Variants in CUL3 observed in about 807,000 individuals in gnomAD.
CUL3 encodes the protein cullin 3.
A neutral mutation model predicts 89.1 loss-of-function variants in CUL3; 19 were observed. The ratio of observed to expected loss-of-function variants is 0.21; its 90% CI spans 0.15 to 0.31. The LOEUF is 0.31. Among genes scored for constraint, CUL3 ranks in the 10% least tolerant of loss-of-function variants. The pLI is 1.00. For synonymous variants in CUL3, 351 were observed against 308.4 expected (o/e 1.14, Z -1.45); for missense variants, 469 against 942.3 (o/e 0.50, Z 6.58).
intron 1 of CUL3, among the ~76,000 whole-genome samples, chr2:224,569,223 T>C (rs1346842368): frequency 2.0e-5 from 3 of 152,190 alleles, no homozygotes; most frequent in African/African-American, 7.2e-5. Flanking sequence ...TAGCAACTAA[T>C]GCGTCAGCAA....
chr2:224,532,004 A>G (rs979990110), intron 3 of CUL3, among the ~76,000 whole-genome samples: 4 of 152,210 alleles, frequency 2.6e-5, no homozygotes, highest in African/African-American at 4.8e-5. Context: ...GCAACAGATG[A>G]TGTAGGGAGA....
chr2:224,529,151 C>G (rs1693593134), intron 3 of CUL3, among the ~76,000 whole-genome samples: 1 of 151,922 alleles, frequency 6.6e-6, no homozygotes, highest in East Asian at 1.9e-4. Flanking sequence ...TTAATAAATA[C>G]TTATGGATTG....
rs1212816354 is a variant in CUL3 at position 224,477,963 on chromosome 2, CT to C, written c.2175+236del. Among the ~76,000 whole-genome samples the C allele has an allele frequency of 3.9e-5, 6 of 152,252 alleles. No individual in the cohort carries two copies. The East Asian group carries it at 1.2e-3, about 29-fold the overall frequency. On this transcript the variant is annotated intron_variant, in intron 15 of 15. Coordinates refer to ENST00000264414, the MANE Select transcript of CUL3 (RefSeq NM_003590.5). Reference sequence around the variant, plus strand: ...TAGCAGTGAAAATCTTTTCTTAATACTTCATGTGACAATATTCTACTATCAT... The same window carrying C: ...TAGCAGTGAAAATCTTTTCTTAATACTCATGTGACAATATTCTACTATCAT...
intron 15 of CUL3, among the ~76,000 whole-genome samples, chr2:224,474,664 A>C (rs1270225583): frequency 1.3e-5 from 2 of 152,210 alleles, no homozygotes; most frequent in Non-Finnish European, 2.9e-5. Flanking sequence ...AACCGTTTTG[A>C]TGCTGTTATC....
intron 2 of CUL3, 43 bp downstream of exon 2, chr2:224,557,616 A>G (rs2106303779): frequency 7.3e-7 from 1 of 1,370,196 alleles, no homozygotes; most frequent in Admixed American, 1.8e-5. Context: ...AGGATTTTCT[A>G]CATTCAATAT....
chr2:224,555,568 A>G lies in CUL3; in HGVS notation c.264+2091T>C, dbSNP rs960162587. ...TCCAAATTACTTAGTCTGGCACCCA[A>G]ATTTTTCTACAATCTGTTCCCAAAC... is the stretch of plus-strand genomic sequence containing the variant. On this transcript the variant is annotated intron_variant, in intron 2 of 15. Transcript: ENST00000264414. Among the ~76,000 whole-genome samples, 8 of 152,262 alleles carry G rather than the reference A, an allele frequency of 5.3e-5. No individual in the cohort carries two copies. In the East Asian group the frequency reaches 1.5e-3, roughly 29 times the overall value.
At chr2:224,505,883 T>G (rs1333080833) in intron 8 of CUL3, 73 bp downstream of exon 8, 1 of 999,562 alleles carries the variant, frequency 1.0e-6, no homozygotes, top group Non-Finnish European at 1.4e-6. Flanking sequence ...ATCTGTGAAA[T>G]GTCCTAATTT....
chr2:224,542,544 TGTGTGC>T (rs761746476), intron 2 of CUL3, among the ~76,000 whole-genome samples: 18 of 146,432 alleles, frequency 1.2e-4, no homozygotes, highest in Non-Finnish European at 1.9e-4. Flanking sequence ...CACTTCTGGC[TGTGTGC>T]GTGTGCGTGT....
chr2:224,553,022 T>G (rs1405639545), intron 2 of CUL3, among the ~76,000 whole-genome samples: 1 of 152,210 alleles, frequency 6.6e-6, no homozygotes, highest in South Asian at 2.1e-4. Context: ...GCACATTGTA[T>G]CAGTAACATC....
intron 1 of CUL3, among the ~76,000 whole-genome samples, chr2:224,573,088 A>G (rs1445591409): frequency 6.6e-6 from 1 of 152,208 alleles, no homozygotes; most frequent in African/African-American, 2.4e-5. Context: ...TATTTCTTTC[A>G]TGTTGCATTT....
At chr2:224,563,716 T>G (rs1408513733) in intron 1 of CUL3, among the ~76,000 whole-genome samples, 1 of 152,188 alleles carries the variant, frequency 6.6e-6, no homozygotes, top group Non-Finnish European at 1.5e-5. Flanking sequence ...AATTACATCT[T>G]TGTCCAGCAT....
intron 3 of CUL3, among the ~76,000 whole-genome samples, chr2:224,525,193 A>G (rs568288903): frequency 4.6e-5 from 7 of 152,238 alleles, no homozygotes; most frequent in East Asian, 1.9e-4. Flanking sequence ...AAACTCTACT[A>G]AACAGTCAAT....
intron 1 of CUL3, among the ~76,000 whole-genome samples, chr2:224,570,408 G>C (rs907724549): frequency 3.9e-5 from 6 of 152,186 alleles, no homozygotes; most frequent in African/African-American, 1.4e-4. Context: ...CCAGAGAAAC[G>C]TGAGACGGTG....
At chr2:224,505,858 T>A in intron 8 of CUL3, 98 bp downstream of exon 8, 2 of 779,832 alleles carry the variant, frequency 2.6e-6, no homozygotes, top group East Asian at 5.9e-5. Context: ...CAGCAATGGG[T>A]CATGCTTAAT....
intron 1 of CUL3, among the ~76,000 whole-genome samples, chr2:224,575,759 T>A (rs917719013): frequency 1.3e-5 from 2 of 152,140 alleles, no homozygotes; most frequent in African/African-American, 4.8e-5. Context: ...AAGTCCTACA[T>A]CTAACAAACA....
At chr2:224,581,054 A>G (rs561384085) in intron 1 of CUL3, among the ~76,000 whole-genome samples, 131 of 152,266 alleles carry the variant, frequency 8.6e-4, no homozygotes, top group African/African-American at 2.9e-3. Flanking sequence ...CATATTTTAC[A>G]TTTGCTATGG....
At chr2:224,480,675 G>A (rs1360651442) in intron 14 of CUL3, among the ~76,000 whole-genome samples, 1 of 152,142 alleles carries the variant, frequency 6.6e-6, no homozygotes, top group Non-Finnish European at 1.5e-5. Context: ...GGGTACAGTA[G>A]GGTGAGGGTA....
chr2:224,523,867 TA>T (rs1693362268), intron 3 of CUL3, among the ~76,000 whole-genome samples: 1 of 152,142 alleles, frequency 6.6e-6, no homozygotes, highest in Admixed American at 6.5e-5. Flanking sequence ...GATCAAATCA[TA>T]AACAGAGAAG....
chr2:224,511,629 T>A, intron 5 of CUL3, 47 bp from the exon 6 acceptor site: 1 of 1,130,982 alleles, frequency 8.8e-7, no homozygotes, highest in Non-Finnish European at 1.2e-6. Flanking sequence ...AAGAAAAGAG[T>A]GTTTTTGCTT....
Sources: allele counts gnomAD v4.1 joint callset (sites outside exome capture counted in the v4.1 genomes callset), GRCh38; gene constraint gnomAD v4.1.1; transcripts MANE v1.5; gene names NCBI Gene and HGNC (gene_info 2026-07-23, HGNC 2026-07-21).